SPIRE1: variants seen among roughly 807,000 people sequenced by gnomAD.
SPIRE1 encodes the protein protein spire homolog 1.
A neutral mutation model predicts 94.1 loss-of-function variants in SPIRE1; 40 were observed. The ratio of observed to expected loss-of-function variants is 0.43; its 90% CI spans 0.33 to 0.55. SPIRE1 has a LOEUF of 0.55. Ranked by LOEUF, SPIRE1 falls within the 20% of genes least tolerant of loss-of-function variation. The pLI, the probability that SPIRE1 is intolerant of heterozygous loss-of-function variation, is 0.06. For missense variants in SPIRE1, 838 were observed against 975.2 expected, an observed-to-expected ratio of 0.86 and a Z score of 1.87; for synonymous variants, 376 against 371.7, an observed-to-expected ratio of 1.01 and a Z score of -0.13.
At chr18:12,645,638 T>C (rs2038203374) in intron 1 of SPIRE1, among the ~76,000 whole-genome samples, 1 of 152,164 alleles carries the variant, frequency 6.6e-6, no homozygotes, top group Non-Finnish European at 1.5e-5. Flanking sequence ...GCTACAAAGA[T>C]CTAAAGATAT....
chr18:12,638,597 T>C (rs1452076218), intron 1 of SPIRE1, among the ~76,000 whole-genome samples: 3 of 152,210 alleles, frequency 2.0e-5, no homozygotes, highest in African/African-American at 7.2e-5. Context: ...GTGGTTTTCT[T>C]ATTCTAATCC....
chr18:12,492,912 GA>G (rs531876021), intron 8 of SPIRE1, among the ~76,000 whole-genome samples, 159 bp downstream of exon 8: 26 of 152,288 alleles, frequency 1.7e-4, no homozygotes, highest in African/African-American at 6.3e-4. Flanking sequence ...GAGAGAGTGA[GA>G]GGGGGTATGT....
chr18:12,450,862 G>A, intron 16 of SPIRE1: 1 of 734,474 alleles, frequency 1.4e-6, no homozygotes, highest in Non-Finnish European at 2.5e-6. Flanking sequence ...GTGAAAAGCA[G>A]CCTTACACCA....
intron 2 of SPIRE1, among the ~76,000 whole-genome samples, chr18:12,623,125 C>T (rs1296256841): frequency 6.6e-6 from 1 of 150,916 alleles, no homozygotes; most frequent in Non-Finnish European, 1.5e-5. Flanking sequence ...TTCTTTTACC[C>T]TTCAAGATGT....
intron 9 of SPIRE1, among the ~76,000 whole-genome samples, chr18:12,483,524 ATG>A (rs1164484399): frequency 1.3e-5 from 2 of 152,210 alleles, no homozygotes; most frequent in Admixed American, 1.3e-4. Flanking sequence ...TATTAAATAT[ATG>A]TGTCTGCTGC....
chr18:12,595,719 C>G (rs1183341114), intron 2 of SPIRE1, among the ~76,000 whole-genome samples: 1 of 152,144 alleles, frequency 6.6e-6, no homozygotes, highest in Non-Finnish European at 1.5e-5. Context: ...TCAAAGGGCT[C>G]ACAGCCAAGT....
intron 13 of SPIRE1, 31 bp from the exon 14 acceptor site, chr18:12,453,169 AC>A (rs1206712675): frequency 1.3e-6 from 2 of 1,492,450 alleles, no homozygotes; most frequent in South Asian, 1.2e-5. Flanking sequence ...AGGAAAAAAA[AC>A]ATTGCCAACA....
intron 4 of SPIRE1, among the ~76,000 whole-genome samples, chr18:12,517,922 T>A (rs1286181898): frequency 6.6e-6 from 1 of 152,192 alleles, no homozygotes; most frequent in Non-Finnish European, 1.5e-5. Context: ...ATTTAAACTA[T>A]CTTATTTCCC....
rs201921015 is a variant in SPIRE1, at chr18:12,564,294, G to GA, written c.373-17391dup. Among the ~76,000 whole-genome samples, 606 of 151,750 alleles carry GA rather than the reference G, an allele frequency of 4.0e-3. 9 individuals are homozygous for GA. The highest frequency in any genetic ancestry group is 0.012 in the African/African-American group (513 of 41,400). On this transcript the variant is annotated intron_variant, in intron 2 of 16. Coordinates refer to ENST00000409402, the MANE Select transcript of SPIRE1 (RefSeq NM_001128626.2). ...TTGGACTGGGTAGTGGCAGTCATTG[G>GA]AAAAAAAATGAAACCAAGAAACTAC...
chr18:12,659,965 A>G (rs949690716), upstream of SPIRE1, among the ~76,000 whole-genome samples: 1 of 152,190 alleles, frequency 6.6e-6, no homozygotes, highest in Non-Finnish European at 1.5e-5. Flanking sequence ...GATTTTGCAA[A>G]TACAGACTGG....
chr18:12,522,163 GGACA>G (rs2034382806), intron 4 of SPIRE1, among the ~76,000 whole-genome samples: 1 of 152,172 alleles, frequency 6.6e-6, no homozygotes, highest in Admixed American at 6.5e-5. Flanking sequence ...TGAATGCAAA[GGACA>G]AGCTCTTAAA....
At chr18:12,540,329 G>C (rs749356540) in intron 3 of SPIRE1, among the ~76,000 whole-genome samples, 1 of 151,970 alleles carries the variant, frequency 6.6e-6, no homozygotes, top group Admixed American at 6.6e-5. Context: ...TGCTCAGAAC[G>C]TCTTCCCTGT....
intron 10 of SPIRE1, among the ~76,000 whole-genome samples, chr18:12,477,412 C>A (rs181075619): frequency 3.9e-4 from 59 of 152,052 alleles, no homozygotes; most frequent in African/African-American, 1.4e-3. Flanking sequence ...GAGTGGCTAC[C>A]GAATTGGAGC....
chr18:12,548,115 T>C (rs576453934), intron 2 of SPIRE1, among the ~76,000 whole-genome samples: 14 of 152,358 alleles, frequency 9.2e-5, no homozygotes, highest in African/African-American at 3.4e-4. Context: ...GCATTCACTA[T>C]GCATGGAAGT....
chr18:12,497,265 T>G (rs1203896458), intron 6 of SPIRE1, among the ~76,000 whole-genome samples: 1 of 152,206 alleles, frequency 6.6e-6, no homozygotes, highest in African/African-American at 2.4e-5. Context: ...TCTACTCTAA[T>G]GTCCTCTCTT....
intron 2 of SPIRE1, among the ~76,000 whole-genome samples, chr18:12,561,731 T>C (rs2035692413): frequency 6.6e-6 from 1 of 152,214 alleles, no homozygotes; most frequent in Non-Finnish European, 1.5e-5. Context: ...CCCATATATT[T>C]TGTACTTCTC....
chr18:12,661,235 G>C (rs2144934697), upstream of SPIRE1: 1 of 239,748 alleles, frequency 4.2e-6, no homozygotes, highest in East Asian at 1.8e-4. Flanking sequence ...TTGAACCCGG[G>C]AGGCGGAGCG....
At chr18:12,620,870 G>C (rs1273184431) in intron 2 of SPIRE1, among the ~76,000 whole-genome samples, 1 of 152,144 alleles carries the variant, frequency 6.6e-6, no homozygotes, top group African/African-American at 2.4e-5. Flanking sequence ...AAAATCCACA[G>C]AATGGGAGAA....
intron 2 of SPIRE1, among the ~76,000 whole-genome samples, chr18:12,598,871 TG>T (rs1474425857): frequency 6.6e-6 from 1 of 152,206 alleles, no homozygotes; most frequent in African/African-American, 2.4e-5. Flanking sequence ...AGCCAATTTT[TG>T]TATCACTTTA....
Sources: allele counts gnomAD v4.1 joint callset (sites outside exome capture counted in the v4.1 genomes callset), GRCh38; gene constraint gnomAD v4.1.1; transcripts MANE v1.5; gene names NCBI Gene and HGNC (gene_info 2026-07-23, HGNC 2026-07-21).